The following SETBP1 variants were observed in gnomAD, a reference collection of about 807,000 sequenced individuals.
SETBP1 encodes the protein SET binding protein 1, also known as SET-binding protein.
Under a neutral mutation model 101.0 loss-of-function variants are expected in SETBP1, and 9 were observed. The observed-to-expected ratio is 0.09, with a 90% CI of 0.05 to 0.16. The LOEUF (loss-of-function observed/expected upper bound fraction) is 0.16. SETBP1 is among the 10% of genes least tolerant of loss of function. The pLI is 1.00. For synonymous variants in SETBP1, 818 were observed against 788.5 expected (o/e 1.04, Z -0.63); for missense variants, 1,858 against 2,033.8 (o/e 0.91, Z 1.66).
At position 44,851,365 on chromosome 18, in the gene SETBP1, TATAA is replaced by T. The variant is rs2072858729; in HGVS notation, c.487-17861_487-17858del. Among the ~76,000 whole-genome samples, 4 of 152,192 alleles carry T rather than the reference TATAA, an allele frequency of 2.6e-5. No homozygotes were observed. In the South Asian group the frequency reaches 8.3e-4, roughly 32 times the overall value. On this transcript the variant is annotated intron_variant, in intron 2 of 5. Transcript: ENST00000649279. ...TATCAAACTTTACTCAGGCAGAGTT[TATAA>T]ATAGAGGATGAGGTCTGGGCTGAGA...
chr18:44,777,104 C>T (rs924444510), intron 2 of SETBP1, among the ~76,000 whole-genome samples: 3 of 152,100 alleles, frequency 2.0e-5, no homozygotes, highest in African/African-American at 7.2e-5. Flanking sequence ...TCCCTTGAAG[C>T]CAGAAGGTTG....
chr18:44,771,545 A>T (rs2070872715), intron 2 of SETBP1, among the ~76,000 whole-genome samples: 1 of 152,094 alleles, frequency 6.6e-6, no homozygotes, highest in African/African-American at 2.4e-5. Flanking sequence ...GCAAAAGGAC[A>T]TTTTTTATGT....
At chr18:44,753,752 G>A (rs891645383) in intron 2 of SETBP1, among the ~76,000 whole-genome samples, 1 of 152,206 alleles carries the variant, frequency 6.6e-6, no homozygotes, top group African/African-American at 2.4e-5. Context: ...AACACTAAAG[G>A]TGGTGTGTGG....
chr18:44,909,763 A>G (rs532336593), intron 3 of SETBP1, among the ~76,000 whole-genome samples: 1 of 152,362 alleles, frequency 6.6e-6, no homozygotes, highest in East Asian at 1.9e-4. Context: ...ATTTTGTCAA[A>G]ATTATAAATA....
At chr18:44,720,815 A>C (rs915472220) in intron 2 of SETBP1, among the ~76,000 whole-genome samples, 8 of 152,084 alleles carry the variant, frequency 5.3e-5, no homozygotes, top group Admixed American at 5.2e-4. Context: ...GTTGACCTGG[A>C]AAATCTGGAG....
intron 2 of SETBP1, among the ~76,000 whole-genome samples, chr18:44,746,690 C>G (rs1470143858): frequency 2.0e-5 from 3 of 152,176 alleles, no homozygotes; most frequent in African/African-American, 4.8e-5. Flanking sequence ...TCTTAACAAT[C>G]AGGAACTATC....
chr18:44,738,187 A>G (rs2144446831), intron 2 of SETBP1, among the ~76,000 whole-genome samples: 1 of 152,308 alleles, frequency 6.6e-6, no homozygotes, highest in East Asian at 1.9e-4. Flanking sequence ...CCTCTGTGAG[A>G]GACTCAGATG....
rs1267615831 is a variant in SETBP1 at position 45,031,012 on chromosome 18, T to A, written c.4001-7473T>A. 4.6e-5 allele frequency among the ~76,000 whole-genome samples: 7 copies of A among 152,210 alleles called. 1 individual carries two copies. Among genetic ancestry groups the A allele is most frequent in the African/African-American group, 1.4e-4 (6 of 41,534 alleles). On this transcript the variant is annotated intron_variant, in intron 4 of 5. Coordinates refer to ENST00000649279, the MANE Select transcript of SETBP1 (RefSeq NM_015559.3). ...AGGGTTTTTTGTGTCTCTATTTCCT[T>A]CAGTTCTGCTCTGATCTTAGTTATT...
intron 2 of SETBP1, among the ~76,000 whole-genome samples, chr18:44,794,376 C>T (rs1230495582): frequency 6.6e-6 from 1 of 152,132 alleles, no homozygotes; most frequent in Non-Finnish European, 1.5e-5. Context: ...AGAGGTGGAA[C>T]TGGGACTAGA....
chr18:45,056,911 A>G (rs970315977), intron 5 of SETBP1, among the ~76,000 whole-genome samples: 2 of 152,186 alleles, frequency 1.3e-5, no homozygotes, highest in Non-Finnish European at 2.9e-5. Context: ...ACTAAGATAA[A>G]AAGTTCTTTC....
At chr18:44,836,660 A>T (rs1329320762) in intron 2 of SETBP1, among the ~76,000 whole-genome samples, 1 of 152,224 alleles carries the variant, frequency 6.6e-6, no homozygotes, top group Non-Finnish European at 1.5e-5. Context: ...CTAGTCTGGG[A>T]AATTCTAGGC....
intron 2 of SETBP1, among the ~76,000 whole-genome samples, chr18:44,868,221 C>A (rs1281466473): frequency 6.6e-6 from 1 of 152,040 alleles, no homozygotes; most frequent in African/African-American, 2.4e-5. Context: ...GACTTTTATT[C>A]TTTTATGTTG....
At chr18:44,839,767 C>A (rs2072579242) in intron 2 of SETBP1, among the ~76,000 whole-genome samples, 1 of 152,102 alleles carries the variant, frequency 6.6e-6, no homozygotes, top group Non-Finnish European at 1.5e-5. Context: ...TTTAAGGGTA[C>A]CTGTGTACAG....
chr18:44,938,269 C>T (rs567886430), intron 3 of SETBP1, among the ~76,000 whole-genome samples: 3 of 152,328 alleles, frequency 2.0e-5, no homozygotes, highest in South Asian at 2.1e-4. Context: ...CGTCCCTGAA[C>T]GTGACAGTCC....
At chr18:44,816,455 C>T (rs909721552) in intron 2 of SETBP1, among the ~76,000 whole-genome samples, 2 of 152,084 alleles carry the variant, frequency 1.3e-5, no homozygotes, top group African/African-American at 2.4e-5. Flanking sequence ...CCCTTTGGGG[C>T]GGGGTTGGCC....
intron 3 of SETBP1, among the ~76,000 whole-genome samples, chr18:44,905,995 G>A (rs1298582388): frequency 1.3e-5 from 2 of 152,114 alleles, no homozygotes; most frequent in Admixed American, 6.5e-5. Context: ...CATAGCCAAC[G>A]GTCAGAATCA....
intron 4 of SETBP1, among the ~76,000 whole-genome samples, chr18:44,970,365 C>T (rs2071816660): frequency 6.6e-6 from 1 of 152,180 alleles, no homozygotes; most frequent in Admixed American, 6.5e-5. Flanking sequence ...AAAGTTGTAG[C>T]ATATGTACCT....
intron 2 of SETBP1, among the ~76,000 whole-genome samples, chr18:44,742,947 TTCTCTCTCTCTC>T (rs756180174): frequency 2.1e-5 from 3 of 144,470 alleles, no homozygotes; most frequent in Non-Finnish European, 4.6e-5. Context: ...CTCTCCCTCC[TTCTCTCTCTCTC>T]TCTCTCTCTC....
Position 45,053,635 on chromosome 18 carries a change from C to T in SETBP1, c.4172-9444C>T, listed in dbSNP as rs1183526729. On this transcript the variant is annotated intron_variant, in intron 5 of 5. Transcript: ENST00000649279. ...CCAGGAAAAAAACAAAACAGAGATACTCACCATTATATGTAATTCTTGAAG... is the reference window on the plus strand; with the variant it reads ...CCAGGAAAAAAACAAAACAGAGATATTCACCATTATATGTAATTCTTGAAG... 3.9e-5 allele frequency among the ~76,000 whole-genome samples: 6 copies of T among 152,270 alleles called. No homozygotes were observed. The East Asian group carries it at 5.8e-4, about 15-fold the overall frequency.
Sources: gnomAD v4.1 joint callset for allele counts (sites outside exome capture counted in the v4.1 genomes callset) on GRCh38, gnomAD v4.1.1 for gene constraint, MANE v1.5 for transcripts, NCBI Gene and HGNC (gene_info 2026-07-23, HGNC 2026-07-21) for gene names.